The following CAST variants were observed in gnomAD, a reference collection of about 807,000 sequenced individuals.
CAST encodes MIR583 host.
A neutral mutation model predicts 119.6 loss-of-function variants in CAST; 76 were observed. The observed-to-expected ratio is 0.64, with a 90% CI of 0.53 to 0.77. CAST has a LOEUF of 0.77. Ranked by LOEUF, CAST falls within the 30% of genes least tolerant of loss-of-function variation. The pLI is 0.00. For missense variants in CAST, 953 were observed against 946.5 expected (o/e 1.01, Z -0.09); for synonymous variants, 319 against 331.6 (o/e 0.96, Z 0.41).
the CAST span, chr5:96,429,154 A>G: frequency 1.1e-6 from 1 of 891,378 alleles, no homozygotes; most frequent in South Asian, 1.5e-5. Flanking sequence ...TTTATTAGAA[A>G]TCATAAAGAA....
At chr5:96,043,976 A>G in the CAST span, among the ~76,000 whole-genome samples, 7 of 152,266 alleles carry the variant, frequency 4.6e-5, no homozygotes, top group East Asian at 1.2e-3. Flanking sequence ...ATGAAAGCAT[A>G]CTATCAAATG....
chr5:96,696,905 TAAATA>T (rs1197379646), intron 3 of CAST, among the ~76,000 whole-genome samples: 1 of 151,872 alleles, frequency 6.6e-6, no homozygotes, highest in Admixed American at 6.6e-5. Context: ...TAATTTTTGA[TAAATA>T]AAATTGTTTT....
chr5:96,019,103 G>C, the CAST span, among the ~76,000 whole-genome samples: 1 of 152,096 alleles, frequency 6.6e-6, no homozygotes, highest in Non-Finnish European at 1.5e-5. Context: ...AAAAGGGAGG[G>C]GGAAGGAGAG....
At chr5:95,991,153 A>AT in the CAST span, among the ~76,000 whole-genome samples, 1 of 152,172 alleles carries the variant, frequency 6.6e-6, no homozygotes, top group Non-Finnish European at 1.5e-5. Context: ...ACATTGGATA[A>AT]TTTTCATAAA....
At chr5:96,229,637 A>G in the CAST span, among the ~76,000 whole-genome samples, 3 of 152,144 alleles carry the variant, frequency 2.0e-5, no homozygotes, top group Admixed American at 2.0e-4. Flanking sequence ...CAACACATCA[A>G]GTTGTTGACA....
At chr5:96,559,269 C>T (rs1197541184) in intron 1 of CAST, among the ~76,000 whole-genome samples, 3 of 152,114 alleles carry the variant, frequency 2.0e-5, no homozygotes, top group Non-Finnish European at 2.9e-5. Context: ...TGGGCAAAAA[C>T]TGGAAGCATT....
chr5:96,069,253 T>G, the CAST span, among the ~76,000 whole-genome samples: 1 of 152,084 alleles, frequency 6.6e-6, no homozygotes, highest in African/African-American at 2.4e-5. Flanking sequence ...TATGTTTATA[T>G]TACACATATA....
the CAST span, among the ~76,000 whole-genome samples, chr5:96,321,503 G>T: frequency 6.6e-6 from 1 of 152,214 alleles, no homozygotes; most frequent in Non-Finnish European, 1.5e-5. Context: ...CTGGATGGTT[G>T]TCTTGAAATT....
the CAST span, among the ~76,000 whole-genome samples, chr5:96,082,148 A>G: frequency 6.6e-6 from 1 of 152,080 alleles, no homozygotes; most frequent in African/African-American, 2.4e-5. Context: ...TCTTGACCTC[A>G]TGATCTGCCC....
the CAST span, among the ~76,000 whole-genome samples, chr5:96,254,144 T>C: frequency 3.5e-4 from 54 of 152,216 alleles, no homozygotes; most frequent in Middle Eastern, 0.014. Context: ...TGACCTAATT[T>C]AGGGTGAGAG....
At chr5:96,352,262 T>A in the CAST span, among the ~76,000 whole-genome samples, 1 of 152,178 alleles carries the variant, frequency 6.6e-6, no homozygotes, top group African/African-American at 2.4e-5. Context: ...AAAAGTCTGA[T>A]GGGAAAACGT....
At chr5:96,717,547 A>G (rs1757399761) in intron 3 of CAST, among the ~76,000 whole-genome samples, 1 of 152,184 alleles carries the variant, frequency 6.6e-6, no homozygotes, top group Admixed American at 6.5e-5. Flanking sequence ...TCAACCAGAG[A>G]AGAATTGTTA....
the CAST span, among the ~76,000 whole-genome samples, chr5:96,371,072 A>C: frequency 6.6e-6 from 1 of 152,164 alleles, no homozygotes; most frequent in Non-Finnish European, 1.5e-5. Context: ...TGTCTTGCAG[A>C]CCCCAGTTAC....
the CAST span, among the ~76,000 whole-genome samples, chr5:96,091,170 A>G: frequency 6.6e-6 from 1 of 150,624 alleles, no homozygotes; most frequent in Non-Finnish European, 1.5e-5. Flanking sequence ...GCTCATTTTT[A>G]GCTGGGTAAT....
chr5:96,726,392 C>T (rs1759249445), intron 4 of CAST, among the ~76,000 whole-genome samples: 1 of 152,154 alleles, frequency 6.6e-6, no homozygotes, highest in Non-Finnish European at 1.5e-5. Flanking sequence ...AATCCATGCA[C>T]TAAATATTTA....
chr5:96,125,433 C>G, the CAST span, among the ~76,000 whole-genome samples: 1 of 152,054 alleles, frequency 6.6e-6, no homozygotes, highest in Non-Finnish European at 1.5e-5. Flanking sequence ...AAAGCTAACT[C>G]GGATAGTGAG....
chr5:96,441,771 G>T, the CAST span, among the ~76,000 whole-genome samples: 1 of 152,044 alleles, frequency 6.6e-6, no homozygotes, highest in South Asian at 2.1e-4. Context: ...GTCAAAAGGG[G>T]CACTTTTTTA....
the CAST span, among the ~76,000 whole-genome samples, chr5:96,070,289 G>T: frequency 1.3e-5 from 2 of 152,140 alleles, no homozygotes; most frequent in Non-Finnish European, 2.9e-5. Flanking sequence ...TTGATTTATA[G>T]TTGTTTATTT....
At chr5:96,636,999 C>A (rs28708687) in intron 1 of CAST, among the ~76,000 whole-genome samples, 23,883 of 151,906 alleles carry the variant, frequency 0.16, 2,909 homozygotes, top group African/African-American at 0.35. Flanking sequence ...AGATCACAGT[C>A]CCCCCTCTGG....
Sources: allele counts gnomAD v4.1 joint callset (sites outside exome capture counted in the v4.1 genomes callset), GRCh38; gene constraint gnomAD v4.1.1; transcripts MANE v1.5; gene names NCBI Gene and HGNC (gene_info 2026-07-23, HGNC 2026-07-21).